CSMD1: variants seen among roughly 807,000 people sequenced by gnomAD.
CSMD1 encodes the protein CUB and sushi domain-containing protein 1.
CSMD1 carries 213 observed loss-of-function variants against 417.5 expected under a neutral mutation model. The ratio of observed to expected loss-of-function variants is 0.51; its 90% CI spans 0.46 to 0.57. The LOEUF (loss-of-function observed/expected upper bound fraction) is 0.57. Among genes scored for constraint, CSMD1 ranks in the 20% least tolerant of loss-of-function variants. The pLI is 0.00. For synonymous variants in CSMD1, 2,862 were observed against 1,736.8 expected (o/e 1.65, Z -16.11); for missense variants, 6,923 against 4,529.7 (o/e 1.53, Z -15.17).
intron 30 of CSMD1, among the ~76,000 whole-genome samples, chr8:3,207,821 A>T (rs1380316028): frequency 6.6e-6 from 1 of 152,120 alleles, no homozygotes; most frequent in African/African-American, 2.4e-5. Flanking sequence ...ACTCTAAAAC[A>T]CTTCTCTAAA....
At chr8:3,599,107 G>A (rs1460354784) in intron 8 of CSMD1, among the ~76,000 whole-genome samples, 2 of 150,026 alleles carry the variant, frequency 1.3e-5, no homozygotes, top group Admixed American at 1.3e-4. Context: ...GCTGACATTG[G>A]ATTGCAATTG....
At chr8:4,414,864 G>T (rs753907116) in intron 3 of CSMD1, among the ~76,000 whole-genome samples, 1 of 152,126 alleles carries the variant, frequency 6.6e-6, no homozygotes, top group African/African-American at 2.4e-5. Flanking sequence ...CAGAGAGTAG[G>T]CATATGAGGT....
chr8:4,523,546 C>G (rs573960384), intron 2 of CSMD1, among the ~76,000 whole-genome samples: 1 of 152,108 alleles, frequency 6.6e-6, no homozygotes, highest in African/African-American at 2.4e-5. Flanking sequence ...CACTCACACA[C>G]ATGCAGACAG....
chr8:4,204,136 G>C (rs1799835445), intron 3 of CSMD1, among the ~76,000 whole-genome samples: 1 of 152,056 alleles, frequency 6.6e-6, no homozygotes, highest in Non-Finnish European at 1.5e-5. Context: ...TAAAGGATCT[G>C]TCAGTTTTCA....
At chr8:3,319,169 G>A (rs1051938946) in intron 23 of CSMD1, among the ~76,000 whole-genome samples, 1 of 152,002 alleles carries the variant, frequency 6.6e-6, no homozygotes, top group Non-Finnish European at 1.5e-5. Context: ...AAAAATCTAG[G>A]AATAAATGGT....
At chr8:4,914,219 G>C (rs1262276094) in intron 1 of CSMD1, among the ~76,000 whole-genome samples, 1 of 152,108 alleles carries the variant, frequency 6.6e-6, no homozygotes, top group Non-Finnish European at 1.5e-5. Context: ...AATCATTTCT[G>C]TTACAAAGCT....
chr8:3,711,715 G>T (rs969693523), intron 6 of CSMD1, among the ~76,000 whole-genome samples: 1 of 152,124 alleles, frequency 6.6e-6, no homozygotes, highest in Non-Finnish European at 1.5e-5. Context: ...CTCTCCCCAG[G>T]ATAATGCTTT....
chr8:3,934,525 C>A (rs1173195104), intron 5 of CSMD1, among the ~76,000 whole-genome samples: 4 of 152,106 alleles, frequency 2.6e-5, no homozygotes, highest in African/African-American at 9.7e-5. Context: ...CAGACCTAAA[C>A]AAGTGCTGCC....
intron 1 of CSMD1, among the ~76,000 whole-genome samples, chr8:4,866,092 A>G (rs1230238471): frequency 6.6e-6 from 1 of 151,998 alleles, no homozygotes. Flanking sequence ...CATCAATAAC[A>G]GTAATCCAAC....
intron 15 of CSMD1, among the ~76,000 whole-genome samples, chr8:3,403,333 C>G (rs1424699715): frequency 2.0e-5 from 3 of 152,134 alleles, no homozygotes; most frequent in Non-Finnish European, 2.9e-5. Flanking sequence ...GCATTTACTT[C>G]TGAAAGTTGG....
chr8:3,336,756 C>T (rs1301020507), intron 23 of CSMD1, among the ~76,000 whole-genome samples: 2 of 152,138 alleles, frequency 1.3e-5, no homozygotes, highest in Non-Finnish European at 2.9e-5. Flanking sequence ...TTCAGAGTCC[C>T]GCCCCCAGCT....
At chr8:4,424,118 T>C (rs1210736070) in intron 2 of CSMD1, among the ~76,000 whole-genome samples, 1 of 152,010 alleles carries the variant, frequency 6.6e-6, no homozygotes, top group Non-Finnish European at 1.5e-5. Context: ...GGAAAGGCTT[T>C]TGAGTCTAGG....
At chr8:4,959,304 T>C (rs1374833024) in intron 1 of CSMD1, among the ~76,000 whole-genome samples, 1 of 152,188 alleles carries the variant, frequency 6.6e-6, no homozygotes, top group African/African-American at 2.4e-5. Context: ...ATGTTTATTG[T>C]AGGAATTTCT....
At chr8:3,381,419 AATT>A (rs1428157236) in intron 18 of CSMD1, among the ~76,000 whole-genome samples, 3 of 152,218 alleles carry the variant, frequency 2.0e-5, no homozygotes, top group Admixed American at 6.5e-5. Context: ...ATTCAAGTAA[AATT>A]ATTGATACAA....
intron 5 of CSMD1, among the ~76,000 whole-genome samples, chr8:3,818,404 G>T (rs1229273374): frequency 3.3e-5 from 5 of 152,180 alleles, no homozygotes; most frequent in Non-Finnish European, 7.3e-5. Context: ...CTGAGTTTCA[G>T]AAAACAGCAC....
intron 18 of CSMD1, among the ~76,000 whole-genome samples, chr8:3,378,110 G>A (rs939876101): frequency 1.5e-4 from 23 of 152,086 alleles, no homozygotes; most frequent in Admixed American, 1.3e-3. Flanking sequence ...TTTGATTGTT[G>A]GTAAGAAGAG....
At chr8:4,354,634 A>C (rs910933767) in intron 3 of CSMD1, among the ~76,000 whole-genome samples, 1 of 152,152 alleles carries the variant, frequency 6.6e-6, no homozygotes, top group African/African-American at 2.4e-5. Flanking sequence ...GTCTACTCAA[A>C]AAATAAACAC....
chr8:3,354,126 T>G (rs953226946), intron 21 of CSMD1, among the ~76,000 whole-genome samples: 4 of 152,186 alleles, frequency 2.6e-5, no homozygotes, highest in Non-Finnish European at 4.4e-5. Context: ...ATTAAATAAC[T>G]ATTTATTTAA....
At position 3,779,239 on chromosome 8, in the gene CSMD1, A is replaced by G. The variant is rs140231266; in HGVS notation, c.819-25197T>C. Among the ~76,000 whole-genome samples the G allele has an allele frequency of 3.4e-4, 52 of 151,584 alleles. No individual in the cohort carries two copies. In the East Asian group the frequency reaches 8.0e-3, roughly 23 times the overall value. On this transcript the variant is annotated intron_variant, in intron 5 of 69. Transcript: ENST00000635120. ...CAGAACTCACTGTATGCCTTCTAGA[A>G]GGTGAGGACTAGCAAGGGTATTATC... is the stretch of plus-strand genomic sequence containing the variant.
Sources: allele counts gnomAD v4.1 joint callset (sites outside exome capture counted in the v4.1 genomes callset), GRCh38; gene constraint gnomAD v4.1.1; transcripts MANE v1.5; gene names NCBI Gene and HGNC (gene_info 2026-07-23, HGNC 2026-07-21).